CSGALNACT1: variants seen among roughly 807,000 people sequenced by gnomAD.
CSGALNACT1 encodes chondroitin sulfate N-acetylgalactosaminyltransferase 1, also known as beta4GalNAcT-1.
A neutral mutation model predicts 51.0 loss-of-function variants in CSGALNACT1; 52 were observed. The ratio of observed to expected loss-of-function variants is 1.02; its 90% CI spans 0.82 to 1.29. CSGALNACT1 has a LOEUF of 1.29. CSGALNACT1 is among the 50% of genes most tolerant of loss of function. CSGALNACT1 has a pLI of 0.00. For synonymous variants in CSGALNACT1, 341 were observed against 254.4 expected (o/e 1.34, Z -3.24); for missense variants, 935 against 679.2 (o/e 1.38, Z -4.19).
chr8:19,741,603 G>T (rs567675868), intron 1 of CSGALNACT1, among the ~76,000 whole-genome samples: 2 of 151,382 alleles, frequency 1.3e-5, no homozygotes, highest in Admixed American at 1.3e-4. Context: ...AAAAGAGTCG[G>T]GGAGCTGATC....
At chr8:19,416,441 T>A (rs1006487365) in intron 8 of CSGALNACT1, among the ~76,000 whole-genome samples, 1 of 152,108 alleles carries the variant, frequency 6.6e-6, no homozygotes, top group African/African-American at 2.4e-5. Flanking sequence ...ATAAGTTTAG[T>A]GTCACCTAAG....
In CSGALNACT1 at chr8:19,731,440, G is replaced by A. The variant is rs2063687809; in HGVS notation, c.-297+26410C>T. Among the ~76,000 whole-genome samples, 4 of 152,084 alleles carry A rather than the reference G, an allele frequency of 2.6e-5. No homozygotes were observed. The South Asian group carries it at 8.3e-4, about 32-fold the overall frequency. On this transcript the variant is annotated intron_variant, in intron 1 of 1. Transcript: ENST00000517494. ...CGAGACTCCCTGGAACCCGGGAGGT[G>A]GAGGGTGCAGTGAGCCGAGATTACA...
intron 5 of CSGALNACT1, among the ~76,000 whole-genome samples, chr8:19,456,696 G>C: frequency 6.6e-6 from 1 of 152,232 alleles, no homozygotes; most frequent in South Asian, 2.1e-4. Flanking sequence ...ACAATTATGC[G>C]ATCATGCACA....
rs547786213 is a variant in CSGALNACT1 at position 19,502,183 on chromosome 8, T to A, written c.634+3018A>T. Among the ~76,000 whole-genome samples the A allele has an allele frequency of 1.4e-3, 214 of 152,334 alleles. 2 individuals are homozygous for A. In the South Asian group the frequency reaches 0.021, roughly 15 times the overall value. ...AGGATCCCAAAGGGGAGGTGGCTTG[T>A]CCTGCCTGGGTCACCCGGCAGGCTG... On this transcript the variant is annotated intron_variant, in intron 4 of 9. Transcript: ENST00000454498.
At chr8:19,677,861 T>C (rs965803749) in intron 1 of CSGALNACT1, among the ~76,000 whole-genome samples, 4 of 152,164 alleles carry the variant, frequency 2.6e-5, no homozygotes, top group African/African-American at 9.7e-5. Context: ...AGGTCACAGA[T>C]GACTGCAATT....
upstream of CSGALNACT1, among the ~76,000 whole-genome samples, chr8:19,604,135 C>T (rs2051008246): frequency 1.3e-5 from 2 of 152,188 alleles, no homozygotes; most frequent in Admixed American, 1.3e-4. Flanking sequence ...GAAGAGTCAT[C>T]TCAAGCTAGT....
In CSGALNACT1 at chr8:19,739,295, G is replaced by A. The variant is rs539681094; in HGVS notation, c.-297+18555C>T. 1.7e-4 allele frequency among the ~76,000 whole-genome samples: 26 copies of A among 152,102 alleles called. No individual in the cohort carries two copies. The Middle Eastern group carries it at 0.01, about 60-fold the overall frequency. ...AACGTTCAAGTCAATGTATGACATT[G>A]ACTCTAAAGAAGATCAAACAAACAG... On this transcript the variant is annotated intron_variant, in intron 1 of 1. Coordinates refer to the CSGALNACT1 transcript ENST00000517494.
chr8:19,522,768 C>G (rs1371987350), intron 3 of CSGALNACT1, among the ~76,000 whole-genome samples: 11 of 152,176 alleles, frequency 7.2e-5, no homozygotes, highest in Admixed American at 7.2e-4. Context: ...TTGCAATTTT[C>G]CAGTAGCTCA....
chr8:19,631,280 C>G (rs1324733188), intron 1 of CSGALNACT1, among the ~76,000 whole-genome samples: 1 of 152,110 alleles, frequency 6.6e-6, no homozygotes, highest in Admixed American at 6.5e-5. Context: ...AACTGCCAAA[C>G]TGTCTTCCCA....
At chr8:19,632,815 G>A (rs2055468773) in intron 1 of CSGALNACT1, among the ~76,000 whole-genome samples, 1 of 152,052 alleles carries the variant, frequency 6.6e-6, no homozygotes. Flanking sequence ...GAGTGCAGTG[G>A]AACGGTCACA....
intron 1 of CSGALNACT1, among the ~76,000 whole-genome samples, chr8:19,620,291 G>A (rs567353391): frequency 8.3e-5 from 11 of 132,692 alleles, no homozygotes; most frequent in African/African-American, 3.2e-4. Context: ...CTCCAGCCTG[G>A]GCAACAGAGT....
intron 2 of CSGALNACT1, among the ~76,000 whole-genome samples, chr8:19,593,202 G>T (rs530079801): frequency 6.6e-6 from 1 of 152,326 alleles, no homozygotes; most frequent in African/African-American, 2.4e-5. Context: ...GATGTTCACT[G>T]TCAATCAATA....
chr8:19,635,463 C>T (rs904525466), intron 1 of CSGALNACT1, among the ~76,000 whole-genome samples: 24 of 152,292 alleles, frequency 1.6e-4, no homozygotes, highest in South Asian at 6.2e-4. Flanking sequence ...TCTGAACCGC[C>T]GCATACATGT....
Position 19,659,004 on chromosome 8 carries a change from T to C in CSGALNACT1, c.-544+23469A>G, listed in dbSNP as rs946121263. On this transcript the variant is annotated intron_variant, in intron 1 of 9. Transcript: ENST00000332246. ...TAACCAGCTTCATAAATGTTTTTTT[T>C]CCCAGTCATCTAAGTAATGAAATCT... Among the ~76,000 whole-genome samples, 7 of 152,288 alleles carry C rather than the reference T, an allele frequency of 4.6e-5. No homozygotes were observed. The East Asian group carries it at 9.7e-4, about 21-fold the overall frequency.
chr8:19,546,491 G>C (rs1336804782), intron 3 of CSGALNACT1, among the ~76,000 whole-genome samples: 1 of 152,102 alleles, frequency 6.6e-6, no homozygotes, highest in Non-Finnish European at 1.5e-5. Flanking sequence ...ATGAAATAGG[G>C]AAGTATCACT....
intron 2 of CSGALNACT1, among the ~76,000 whole-genome samples, chr8:19,596,133 GTTGA>G (rs2048847049): frequency 6.6e-6 from 1 of 152,078 alleles, no homozygotes; most frequent in African/African-American, 2.4e-5. Context: ...CTTCCAGAGT[GTTGA>G]GATTATAGGT....
chr8:19,656,369 A>G (rs1342811885), intron 1 of CSGALNACT1, among the ~76,000 whole-genome samples: 1 of 152,186 alleles, frequency 6.6e-6, no homozygotes, highest in Non-Finnish European at 1.5e-5. Context: ...TATGGCCTGA[A>G]AAACCTCAAG....
In CSGALNACT1 at chr8:19,458,512, C is replaced by CT; in HGVS notation, c.764dup (p.Leu256AlafsTer34). 2 of 1,614,122 alleles carry CT rather than the reference C, an allele frequency of 1.2e-6. No homozygotes were observed. The highest frequency in any genetic ancestry group is 1.7e-6 in the Non-Finnish European group (2 of 1,180,026). On this transcript the variant is annotated frameshift_variant, in exon 5 of 10. Transcript: ENST00000454498. LOFTEE classifies it high-confidence loss of function. ...TGATAAGCGTGTTGGCCATGTTGAG[C>CT]TTTTCATTTTTCACTTTCATGATGG...
rs534502015 is a variant in CSGALNACT1, at chr8:19,715,980, C to T, written c.-297+41870G>A. 2.0e-5 allele frequency among the ~76,000 whole-genome samples: 3 copies of T among 152,316 alleles called. No individual in the cohort carries two copies. The South Asian group carries it at 6.2e-4, about 32-fold the overall frequency. On this transcript the variant is annotated intron_variant, in intron 1 of 1. Transcript: ENST00000517494. Reference sequence around the variant, plus strand: ...GAGAAAGTCTCTTTCCTGCATATTACTTGTCAATCCATGCTTGTCAGCCTT... The same window carrying T: ...GAGAAAGTCTCTTTCCTGCATATTATTTGTCAATCCATGCTTGTCAGCCTT...
Sources: allele counts gnomAD v4.1 joint callset (sites outside exome capture counted in the v4.1 genomes callset), GRCh38; gene constraint gnomAD v4.1.1; transcripts MANE v1.5; gene names NCBI Gene and HGNC (gene_info 2026-07-23, HGNC 2026-07-21).